PTPRCAP: variants seen among roughly 807,000 people sequenced by gnomAD.
PTPRCAP encodes the protein protein tyrosine phosphatase receptor type C-associated protein.
For synonymous variants in PTPRCAP, 136 were observed against 135.8 expected, an observed-to-expected ratio of 1.00 and a Z score of -0.01; for missense variants, 294 against 285.5, an observed-to-expected ratio of 1.03 and a Z score of -0.22.
intron 1 of PTPRCAP, chr11:67,437,274 G>A (rs1864306226): frequency 7.4e-6 from 2 of 268,534 alleles, no homozygotes; most frequent in Admixed American, 5.4e-5. Flanking sequence ...GGTGGGGGGT[G>A]TCGGGGGAGG....
rs756388414 is a variant in PTPRCAP at position 67,437,632 on chromosome 11, C to T, written c.-13G>A. On this transcript the variant is annotated 5_prime_UTR_variant, in exon 1 of 2. Coordinates refer to ENST00000326294, the MANE Select transcript of PTPRCAP (RefSeq NM_005608.3). The stretch of plus-strand genomic sequence containing the variant: ...CGAGGCTTACCATTGGTCCGCAGGC[C>T]CCTCCGTGCCGGGCACCCACCTCCA... 9.8e-5 allele frequency: 134 copies of T among 1,365,792 alleles called. 2 individuals are homozygous for T. The East Asian group carries it at 3.7e-3, about 38-fold the overall frequency. 84.6% of individuals were successfully genotyped at this position (1,365,792 alleles called of 1,614,324 possible). A position where few individuals can be genotyped will look rare whatever the true frequency, so the allele number is the denominator to read the frequency against.
Position 67,436,453 on chromosome 11 carries a change from G to A in PTPRCAP, c.4-103C>T. On this transcript the variant is annotated intron_variant, in intron 1 of 1. Coordinates refer to ENST00000326294, the MANE Select transcript of PTPRCAP (RefSeq NM_005608.3). ...ACCACTTTCGTTTTTTTCTCTTTGG[G>A]ATCCTCTTGGGACAGCCAAGCAGAA... is the stretch of plus-strand genomic sequence containing the variant. The A allele has an allele frequency of 4.6e-6, 6 of 1,318,164 alleles. No homozygotes were observed. In the South Asian group the frequency reaches 8.0e-5, roughly 18 times the overall value. The allele number at this position is 1,318,164 out of a possible 1,614,324, so 81.7% of individuals were successfully genotyped here. A position where few individuals can be genotyped will look rare whatever the true frequency, so the allele number is the denominator to read the frequency against.
Position 67,435,855 on chromosome 11 carries a change from C to T in PTPRCAP, c.499G>A (p.Ala167Thr), listed in dbSNP as rs1216793327. The T allele has an allele frequency of 1.9e-6, 3 of 1,610,348 alleles. No homozygotes were observed. Among genetic ancestry groups the T allele is most frequent in the Non-Finnish European group, 2.5e-6 (3 of 1,179,428 alleles). The change falls in exon 2 of 2, where the codon GCG becomes ACG. Residue 167 changes from alanine to threonine, a missense_variant. Ala to Thr is a moderately conservative substitution (Grantham distance 58). Transcript: ENST00000326294. ...GCCTCAGCACTGCCCCCTGCGCTCG[C>T]TGGTCCTGGGGAGCCGAGGACCAGG... ...GDLVLGSPGP[A>T]SAGGSAEALL...
Position 67,435,913 on chromosome 11 carries a change from A to G in PTPRCAP, c.441T>C (p.Ala147=). Residue 147 remains alanine, a synonymous_variant, in exon 2 of 2, where the codon GCT becomes GCC. Transcript: ENST00000326294. ...ASSPEQVPVR[A]EEARDSDTEG... is the part of the protein sequence containing the mutation. ...CCGTGTCACTGTCTCTGGCTTCCTC[A>G]GCCCGCACGGGGACCTGCTCTGGGC... 6.2e-7 allele frequency: 1 copy of G among 1,612,770 alleles called. No individual in the cohort carries two copies. Among genetic ancestry groups the G allele is most frequent in the Non-Finnish European group, 8.5e-7 (1 of 1,179,660 alleles).
At position 67,435,589 on chromosome 11, in the gene PTPRCAP, A is replaced by C; in HGVS notation, c.*144T>G. On this transcript the variant is annotated 3_prime_UTR_variant, in exon 2 of 2. Transcript: ENST00000326294. Reference sequence around the variant, plus strand: ...GGGCCGTTCCCGTGGTGAGCGGGGTACACATGGACTTGGGAACTGGTAGGG... The same window carrying C: ...GGGCCGTTCCCGTGGTGAGCGGGGTCCACATGGACTTGGGAACTGGTAGGG... The C allele has an allele frequency of 7.9e-7, 1 of 1,262,546 alleles. No homozygotes were observed. The highest frequency in any genetic ancestry group is 1.1e-6 in the Non-Finnish European group (1 of 934,306). The allele number at this position is 1,262,546 out of a possible 1,614,324, so 78.2% of individuals were successfully genotyped here. A position where few individuals can be genotyped will look rare whatever the true frequency, so the allele number is the denominator to read the frequency against.
At chr11:67,436,731 T>C (rs1864291040) in intron 1 of PTPRCAP, 2 of 205,738 alleles carry the variant, frequency 9.7e-6, no homozygotes, top group Non-Finnish European at 1.9e-5. Context: ...ACCTCTACCC[T>C]GATGTCTATC....
At chr11:67,437,325 G>A in intron 1 of PTPRCAP, 1 of 356,174 alleles carries the variant, frequency 2.8e-6, no homozygotes. Flanking sequence ...ACCCCAGGCT[G>A]TCCGCCCAGG....
At chr11:67,437,516 G>T in intron 1 of PTPRCAP, 101 bp downstream of exon 1, 1 of 1,266,600 alleles carries the variant, frequency 7.9e-7, no homozygotes, top group South Asian at 3.1e-5. Context: ...CCTCTTCCCT[G>T]GGGCCAATGT....
At position 67,436,516 on chromosome 11, in the gene PTPRCAP, C is replaced by G. The variant is rs1864284133; in HGVS notation, c.4-166G>C. The G allele has an allele frequency of 9.1e-6, 7 of 771,242 alleles. No individual in the cohort carries two copies. In the South Asian group the frequency reaches 1.7e-4, roughly 19 times the overall value. The allele number at this position is 771,242 out of a possible 1,614,324, so 47.8% of individuals were successfully genotyped here. ...TTATTTGGTCAACCAGGCTCTGGCC[C>G]TGTGAGATCAGCCCCCATCCCTCCA... On this transcript the variant is annotated intron_variant, in intron 1 of 1. Coordinates refer to ENST00000326294, the MANE Select transcript of PTPRCAP (RefSeq NM_005608.3).
chr11:67,435,652 C>T lies in PTPRCAP; in HGVS notation c.*81G>A. 6.7e-7 allele frequency: 1 copy of T among 1,487,376 alleles called. No individual in the cohort carries two copies. The highest frequency in any genetic ancestry group is 1.4e-5 in the South Asian group (1 of 73,696). 92.1% of individuals were successfully genotyped at this position (1,487,376 alleles called of 1,614,324 possible). A position where few individuals can be genotyped will look rare whatever the true frequency, so the allele number is the denominator to read the frequency against. ...AGGCATGGTCATGTGGGCTGGGGGT[C>T]CAGTCCAGCCATGGCATCTTGGGAA... On this transcript the variant is annotated 3_prime_UTR_variant, in exon 2 of 2. Coordinates refer to ENST00000326294, the MANE Select transcript of PTPRCAP (RefSeq NM_005608.3).
chr11:67,436,414 G>T, intron 1 of PTPRCAP, 64 bp from the exon 2 acceptor site: 1 of 1,417,468 alleles, frequency 7.1e-7, no homozygotes, highest in Non-Finnish European at 9.2e-7. Context: ...TGTGGGGCAG[G>T]CTGGGTGACC....
intron 1 of PTPRCAP, chr11:67,436,922 T>C (rs1053532155): frequency 2.0e-5 from 3 of 152,548 alleles, no homozygotes; most frequent in Non-Finnish European, 4.4e-5. Flanking sequence ...TAAGTATGGA[T>C]TAAATGTGTC....
Position 67,436,349 on chromosome 11 carries a change from G to T in PTPRCAP, c.5C>A (p.Ala2Asp). M[A>D]LPCTLGLGML... ...CCCGAGCCCTAAGGTGCAGGGCAGA[G>T]CCTGTGGGAGACAGGCAGGGGCTCA... Residue 2 changes from alanine (A) to aspartate (D), a missense_variant and splice_region_variant, in exon 2 of 2, where the codon GCT becomes GAT. Transcript: ENST00000326294. 6.9e-7 allele frequency: 1 copy of T among 1,456,418 alleles called. No individual in the cohort carries two copies. 90.2% of individuals were successfully genotyped at this position (1,456,418 alleles called of 1,614,324 possible).
chr11:67,436,018 GTCCTGCTCATCC>G lies in PTPRCAP; in HGVS notation c.324_335del (p.Glu108_Gln111del). The G allele has an allele frequency of 6.2e-7, 1 of 1,613,740 alleles. No homozygotes were observed. The highest frequency in any genetic ancestry group is 1.1e-5 in the South Asian group (1 of 91,086). ...CATCCGCGACGTGGTCATAGTCTGT[GTCCTGCTCATCC>G]TCCTGTCGCTCAAGGTCATTGTCTG... On this transcript the variant is annotated inframe_deletion, in exon 2 of 2. Coordinates refer to ENST00000326294, the MANE Select transcript of PTPRCAP (RefSeq NM_005608.3).
chr11:67,435,757 C>A lies in PTPRCAP; in HGVS notation c.597G>T (p.Gln199His). 6.4e-7 allele frequency: 1 copy of A among 1,552,704 alleles called. No individual in the cohort carries two copies. The change falls in exon 2 of 2, where the codon CAG becomes CAT. Residue 199 changes from glutamine (Q) to histidine (H), a missense_variant. Gln to His is a conservative substitution (Grantham distance 24). Coordinates refer to ENST00000326294, the MANE Select transcript of PTPRCAP (RefSeq NM_005608.3). ...WDDSARAAGG[Q>H]GLHVTAL ...TCTACAGTGCGGTGACATGGAGGCCCTGGCCCCCAGCTGCCCTGGCGCTGT... is the reference window on the plus strand; with the variant it reads ...TCTACAGTGCGGTGACATGGAGGCCATGGCCCCCAGCTGCCCTGGCGCTGT...
Position 67,435,909 on chromosome 11 carries a change from C to T in PTPRCAP, c.445G>A (p.Glu149Lys), listed in dbSNP as rs1864261396. ...CCCTCCGTGTCACTGTCTCTGGCTT[C>T]CTCAGCCCGCACGGGGACCTGCTCT... ...SPEQVPVRAE[E>K]ARDSDTEGDL... Residue 149 changes from glutamate (E) to lysine (K), a missense_variant, in exon 2 of 2, where the codon GAA becomes AAA. Glu to Lys is a moderately conservative substitution (Grantham distance 56, BLOSUM62 1). Transcript: ENST00000326294. 5 of 1,612,598 alleles carry T rather than the reference C, an allele frequency of 3.1e-6. No homozygotes were observed. The highest frequency in any genetic ancestry group is 4.2e-6 in the Non-Finnish European group (5 of 1,179,680).
rs1253548139 is a variant in PTPRCAP at position 67,436,370 on chromosome 11, G to A, written c.4-20C>T. 1.4e-6 allele frequency: 2 copies of A among 1,437,548 alleles called. No individual in the cohort carries two copies. The highest frequency in any genetic ancestry group is 2.8e-5 in the Admixed American group (1 of 35,294). 89.0% of individuals were successfully genotyped at this position (1,437,548 alleles called of 1,614,324 possible). On this transcript the variant is annotated intron_variant, in intron 1 of 1. Coordinates refer to ENST00000326294, the MANE Select transcript of PTPRCAP (RefSeq NM_005608.3). The stretch of plus-strand genomic sequence containing the variant: ...CAGAGCCTGTGGGAGACAGGCAGGG[G>A]CTCAGAGGGCTCAGCACCTGGGGTG...
Position 67,436,030 on chromosome 11 carries a change from C to T in PTPRCAP, c.324G>A (p.Glu108=), listed in dbSNP as rs1864264944. ...GSTDNDLERQ[E]DEQDTDYDHV... The stretch of plus-strand genomic sequence containing the variant: ...GGTCATAGTCTGTGTCCTGCTCATC[C>T]TCCTGTCGCTCAAGGTCATTGTCTG... Residue 108 remains glutamate (E), a synonymous_variant, in exon 2 of 2, where the codon GAG becomes GAA. Coordinates refer to ENST00000326294, the MANE Select transcript of PTPRCAP (RefSeq NM_005608.3). 1.9e-6 allele frequency: 3 copies of T among 1,613,530 alleles called. No homozygotes were observed. The highest frequency in any genetic ancestry group is 2.7e-5 in the African/African-American group (2 of 74,904).
At chr11:67,436,617 C>A in intron 1 of PTPRCAP, 1 of 387,148 alleles carries the variant, frequency 2.6e-6, no homozygotes, top group Non-Finnish European at 4.6e-6. Context: ...TGGCTGTTCC[C>A]TCTGCCCGGA....
Sources: gnomAD v4.1 joint callset for allele counts on GRCh38, gnomAD v4.1.1 for gene constraint, MANE v1.5 for transcripts, NCBI Gene and HGNC (gene_info 2026-07-23, HGNC 2026-07-21) for gene names.